Variants in EXOC4 observed in about 807,000 individuals in gnomAD.
EXOC4 encodes exocyst complex component 4.
EXOC4 carries 71 observed loss-of-function variants against 107.2 expected under a neutral mutation model. The ratio of observed to expected loss-of-function variants is 0.66; its 90% CI spans 0.55 to 0.81. The LOEUF (loss-of-function observed/expected upper bound fraction) is 0.81, where lower values mean the gene tolerates loss of function less well. Ranked by LOEUF, EXOC4 falls within the 30% of genes least tolerant of loss-of-function variation. The probability of loss-of-function intolerance (pLI) is 0.00; values close to 1 mark genes in which losing one functional copy is unlikely to be tolerated. For missense variants in EXOC4, 1,108 were observed against 1,189.6 expected (o/e 0.93, Z 1.01); for synonymous variants, 456 against 441.2 (o/e 1.03, Z -0.42).
chr7:133,665,363 A>T (rs1474356416), intron 10 of EXOC4, among the ~76,000 whole-genome samples: 6 of 152,190 alleles, frequency 3.9e-5, no homozygotes, highest in Non-Finnish European at 8.8e-5. Flanking sequence ...AAATTGCTGT[A>T]AACATTTAAG....
chr7:133,496,696 C>T (rs1413718698), intron 9 of EXOC4, among the ~76,000 whole-genome samples: 1 of 152,076 alleles, frequency 6.6e-6, no homozygotes, highest in African/African-American at 2.4e-5. Context: ...TTGCATGTTT[C>T]TTACTGATAT....
At chr7:133,801,094 G>C (rs574586259) in intron 10 of EXOC4, among the ~76,000 whole-genome samples, 4 of 152,186 alleles carry the variant, frequency 2.6e-5, no homozygotes, top group South Asian at 4.2e-4. Flanking sequence ...AAAATTGTTA[G>C]TATCTCATTC....
At chr7:133,544,831 CTTTT>C (rs11330928) in intron 9 of EXOC4, among the ~76,000 whole-genome samples, 1 of 141,608 alleles carries the variant, frequency 7.1e-6, no homozygotes. Flanking sequence ...GTTTCCTTCC[CTTTT>C]TTTTTTTTTT....
chr7:133,260,016 T>C (rs561167721), intron 1 of EXOC4, among the ~76,000 whole-genome samples: 2 of 146,656 alleles, frequency 1.4e-5, no homozygotes, highest in East Asian at 3.9e-4. Flanking sequence ...ATGATCCTTC[T>C]CTACCAGTTT....
intron 9 of EXOC4, among the ~76,000 whole-genome samples, chr7:133,515,711 C>A (rs1799863266): frequency 6.6e-6 from 1 of 152,118 alleles, no homozygotes; most frequent in African/African-American, 2.4e-5. Context: ...TCAAGCGATT[C>A]TCCTGCCTTG....
intron 13 of EXOC4, among the ~76,000 whole-genome samples, chr7:133,924,159 C>T (rs1800000856): frequency 6.6e-6 from 1 of 152,164 alleles, no homozygotes; most frequent in Non-Finnish European, 1.5e-5. Flanking sequence ...TTGAAGATGC[C>T]TGGGTGAACA....
intron 14 of EXOC4, among the ~76,000 whole-genome samples, chr7:133,968,406 C>T (rs1200253396): frequency 6.6e-6 from 1 of 152,076 alleles, no homozygotes; most frequent in African/African-American, 2.4e-5. Flanking sequence ...TTATTTTGCC[C>T]ATTAGTTGAT....
chr7:133,687,438 A>G (rs1794330182), intron 10 of EXOC4, among the ~76,000 whole-genome samples: 1 of 150,910 alleles, frequency 6.6e-6, no homozygotes, highest in East Asian at 1.9e-4. Flanking sequence ...AAAATTAAAG[A>G]AAAAAAAACT....
intron 1 of EXOC4, among the ~76,000 whole-genome samples, chr7:133,263,167 G>A (rs1793616048): frequency 1.3e-5 from 2 of 152,062 alleles, no homozygotes; most frequent in Non-Finnish European, 2.9e-5. Flanking sequence ...CTAGTCTCAG[G>A]TATGTCTTTA....
chr7:133,374,755 C>A, intron 6 of EXOC4, 73 bp from the exon 7 acceptor site: 2 of 1,244,190 alleles, frequency 1.6e-6, no homozygotes, highest in South Asian at 1.5e-5. Flanking sequence ...TGATGTTTTT[C>A]TTGCAGGTCA....
intron 10 of EXOC4, among the ~76,000 whole-genome samples, chr7:133,651,904 TG>T (rs1369583704): frequency 5.3e-5 from 8 of 152,282 alleles, no homozygotes; most frequent in African/African-American, 1.7e-4. Flanking sequence ...AGGCTGGTCT[TG>T]CTGACCTCAG....
chr7:133,987,796 G>T (rs1485263775), intron 14 of EXOC4, among the ~76,000 whole-genome samples: 1 of 151,950 alleles, frequency 6.6e-6, no homozygotes, highest in East Asian at 1.9e-4. Context: ...AGCTAATATT[G>T]TAACAATTTT....
chr7:133,674,630 A>G (rs1794017226), intron 10 of EXOC4, among the ~76,000 whole-genome samples: 1 of 152,176 alleles, frequency 6.6e-6, no homozygotes. Context: ...TGTTTTCTGC[A>G]TATTTATGAA....
chr7:133,844,301 A>T (rs767185074), intron 11 of EXOC4, among the ~76,000 whole-genome samples: 1 of 151,252 alleles, frequency 6.6e-6, no homozygotes, highest in Non-Finnish European at 1.5e-5. Context: ...TTGAAATCCA[A>T]TGACTACCTC....
At chr7:133,841,995 A>G (rs915056030) in intron 11 of EXOC4, among the ~76,000 whole-genome samples, 5 of 152,298 alleles carry the variant, frequency 3.3e-5, no homozygotes, top group African/African-American at 1.2e-4. Flanking sequence ...ACGTGAGTTC[A>G]TTCTTTTTTA....
At chr7:133,775,143 C>G (rs549394627) in intron 10 of EXOC4, among the ~76,000 whole-genome samples, 1 of 152,254 alleles carries the variant, frequency 6.6e-6, no homozygotes, top group Admixed American at 6.5e-5. Context: ...TTTGTCTTGT[C>G]AGAAGTGAGG....
intron 11 of EXOC4, among the ~76,000 whole-genome samples, chr7:133,826,699 G>A (rs1797710875): frequency 6.6e-6 from 1 of 152,086 alleles, no homozygotes; most frequent in Non-Finnish European, 1.5e-5. Context: ...ACACCTACAT[G>A]AATAAAAATA....
intron 15 of EXOC4, among the ~76,000 whole-genome samples, chr7:134,004,268 A>G (rs1018125127): frequency 1.3e-5 from 2 of 152,222 alleles, no homozygotes; most frequent in African/African-American, 2.4e-5. Flanking sequence ...GATGACAGCC[A>G]GTACTTACTA....
intron 7 of EXOC4, among the ~76,000 whole-genome samples, chr7:133,461,079 T>G (rs533582521): frequency 1.3e-5 from 2 of 152,300 alleles, no homozygotes; most frequent in African/African-American, 4.8e-5. Context: ...GAACTGGTCC[T>G]TGAAAGAAGG....
Sources: gnomAD v4.1 joint callset for allele counts (sites outside exome capture counted in the v4.1 genomes callset) on GRCh38, gnomAD v4.1.1 for gene constraint, MANE v1.5 for transcripts, NCBI Gene and HGNC (gene_info 2026-07-23, HGNC 2026-07-21) for gene names.